The following PIK3C2G variants were observed in gnomAD, a reference collection of about 807,000 sequenced individuals.
PIK3C2G encodes phosphatidylinositol-4-phosphate 3-kinase catalytic subunit type 2 gamma.
PIK3C2G carries 168 observed loss-of-function variants against 181.1 expected under a neutral mutation model. That is an observed-to-expected ratio of 0.93 (90% CI 0.82 to 1.05). The LOEUF is 1.05. Among genes scored for constraint, PIK3C2G ranks in the 50% least tolerant of loss-of-function variants. The probability of loss-of-function intolerance (pLI) is 0.00; values close to 1 mark genes in which losing one functional copy is unlikely to be tolerated. For missense variants in PIK3C2G, 1,869 were observed against 1,732.8 expected (o/e 1.08, Z -1.40); for synonymous variants, 573 against 592.2 (o/e 0.97, Z 0.47).
At chr12:18,548,443 G>A (rs758667980) in intron 26 of PIK3C2G, among the ~76,000 whole-genome samples, 25 of 151,964 alleles carry the variant, frequency 1.6e-4, no homozygotes, top group Non-Finnish European at 2.9e-5. Context: ...ATGTAAATAG[G>A]CTTTATTCAT....
chr12:18,424,080 C>A, intron 18 of PIK3C2G, 41 bp downstream of exon 18: 1 of 1,179,644 alleles, frequency 8.5e-7, no homozygotes, highest in Non-Finnish European at 1.3e-6. Context: ...TTTTTAATTG[C>A]CACCTTCTCT....
the PIK3C2G span, among the ~76,000 whole-genome samples, chr12:18,657,781 T>G: frequency 6.6e-6 from 1 of 152,040 alleles, no homozygotes; most frequent in African/African-American, 2.4e-5. Context: ...CAAAAAATTG[T>G]GAAGTGTGCA....
chr12:18,300,589 T>G lies in PIK3C2G; in HGVS notation c.1034+6574T>G, dbSNP rs1440491281. 3.3e-5 allele frequency among the ~76,000 whole-genome samples: 5 copies of G among 152,050 alleles called. No homozygotes were observed. The East Asian group carries it at 9.6e-4, about 29-fold the overall frequency. On this transcript the variant is annotated intron_variant, in intron 5 of 32. Coordinates refer to ENST00000538779, the MANE Select transcript of PIK3C2G (RefSeq NM_001288772.2). ...ATTCAACCAATCTGTATCTTTTAAG[T>G]GGGTAATTTAATTTCTTTATATTCA...
chr12:18,662,370 TA>T, the PIK3C2G span, among the ~76,000 whole-genome samples: 1 of 151,888 alleles, frequency 6.6e-6, no homozygotes, highest in Non-Finnish European at 1.5e-5. Flanking sequence ...AAGAAATTAA[TA>T]AATGAGGGAG....
intron 18 of PIK3C2G, among the ~76,000 whole-genome samples, chr12:18,444,123 C>T (rs886825431): frequency 6.6e-6 from 1 of 152,162 alleles, no homozygotes; most frequent in Non-Finnish European, 1.5e-5. Context: ...AGTTCCCATT[C>T]CAGTAAAATC....
At chr12:18,337,970 T>C (rs555007282) in intron 8 of PIK3C2G, among the ~76,000 whole-genome samples, 106 of 152,304 alleles carry the variant, frequency 7.0e-4, no homozygotes, top group African/African-American at 2.4e-3. Flanking sequence ...TATACACTGA[T>C]TCCAAACAAT....
At chr12:18,696,651 T>C in the PIK3C2G span, among the ~76,000 whole-genome samples, 437 of 152,108 alleles carry the variant, frequency 2.9e-3, 2 homozygotes, top group Non-Finnish European at 5.2e-3. Flanking sequence ...TCCCTTATTA[T>C]TTTTCCACTT....
At chr12:18,655,376 A>G in the PIK3C2G span, among the ~76,000 whole-genome samples, 2 of 152,300 alleles carry the variant, frequency 1.3e-5, no homozygotes, top group East Asian at 1.9e-4. Flanking sequence ...GAAGTATAAA[A>G]TAGTTATCCA....
chr12:18,716,170 G>T, the PIK3C2G span, among the ~76,000 whole-genome samples: 1 of 151,874 alleles, frequency 6.6e-6, no homozygotes, highest in Non-Finnish European at 1.5e-5. Flanking sequence ...ACGGTAAATT[G>T]TCTTGCCTAT....
intron 18 of PIK3C2G, among the ~76,000 whole-genome samples, chr12:18,473,263 G>T (rs1172633394): frequency 2.6e-5 from 4 of 152,282 alleles, no homozygotes; most frequent in Non-Finnish European, 5.9e-5. Context: ...CTGATTTACA[G>T]ATTATGTTTG....
chr12:18,651,170 A>G (rs1408957912), downstream of PIK3C2G, among the ~76,000 whole-genome samples: 2 of 151,728 alleles, frequency 1.3e-5, no homozygotes, highest in African/African-American at 2.4e-5. Context: ...TCTCCTGGAC[A>G]CTCCAGGCAC....
chr12:18,488,964 A>T (rs1940311967), intron 19 of PIK3C2G, among the ~76,000 whole-genome samples: 1 of 152,112 alleles, frequency 6.6e-6, no homozygotes, highest in Admixed American at 6.6e-5. Context: ...GAAATACATG[A>T]GAAGTTTTAG....
chr12:18,545,722 T>A (rs995202978), intron 25 of PIK3C2G, among the ~76,000 whole-genome samples: 5 of 151,900 alleles, frequency 3.3e-5, no homozygotes, highest in Non-Finnish European at 5.9e-5. Flanking sequence ...GAAAATTGTA[T>A]TCTTCTAGTG....
At chr12:18,672,051 G>A in the PIK3C2G span, among the ~76,000 whole-genome samples, 1 of 152,124 alleles carries the variant, frequency 6.6e-6, no homozygotes, top group African/African-American at 2.4e-5. Context: ...CCATTACTTT[G>A]AGGATTCGAT....
Position 18,248,520 on chromosome 12 carries a change from G to A in PIK3C2G, c.-79+438G>A, listed in dbSNP as rs1948064908. Among the ~76,000 whole-genome samples the A allele has an allele frequency of 3.3e-5, 5 of 152,124 alleles. No homozygotes were observed. The South Asian group carries it at 1.0e-3, about 32-fold the overall frequency. The stretch of plus-strand genomic sequence containing the variant: ...CCCGGGGCGGAGCCTGCAGTGAGCC[G>A]AGATCGCGCCACTGCACTCCAGCCT... On this transcript the variant is annotated intron_variant, in intron 1 of 11. Coordinates refer to the PIK3C2G transcript ENST00000535651.
chr12:18,491,903 A>G (rs1940606775), intron 20 of PIK3C2G, among the ~76,000 whole-genome samples: 1 of 152,188 alleles, frequency 6.6e-6, no homozygotes, highest in Admixed American at 6.5e-5. Flanking sequence ...GTATAATTTC[A>G]TGGTTTATTT....
intron 21 of PIK3C2G, 72 bp downstream of exon 21, chr12:18,496,226 A>ATTTC: frequency 2.2e-6 from 2 of 905,534 alleles, no homozygotes; most frequent in Non-Finnish European, 3.3e-6. Context: ...ACAAAAAGAA[A>ATTTC]TTGTTGTGGC....
chr12:18,257,720 T>TGGAA (rs57452847), upstream of PIK3C2G, among the ~76,000 whole-genome samples: 74,510 of 134,788 alleles, frequency 0.55, 18,955 homozygotes, highest in Middle Eastern at 0.65. Context: ...GACAGGAAGG[T>TGGAA]GGAAGGAAGG....
chr12:18,517,546 A>G (rs1271354654), intron 24 of PIK3C2G, among the ~76,000 whole-genome samples: 10 of 151,882 alleles, frequency 6.6e-5, no homozygotes, highest in Admixed American at 6.6e-4. Flanking sequence ...CTATTGTTGA[A>G]GTATAGGAGT....
Sources: allele counts gnomAD v4.1 joint callset (sites outside exome capture counted in the v4.1 genomes callset), GRCh38; gene constraint gnomAD v4.1.1; transcripts MANE v1.5; gene names NCBI Gene and HGNC (gene_info 2026-07-23, HGNC 2026-07-21).